The following EFNA5 variants were observed in gnomAD, a reference collection of about 807,000 sequenced individuals.
EFNA5 encodes ephrin-A5.
EFNA5 carries 5 observed loss-of-function variants against 22.9 expected under a neutral mutation model. That is an observed-to-expected ratio of 0.22 (90% CI 0.11 to 0.46). The LOEUF (loss-of-function observed/expected upper bound fraction) is 0.46. Among genes scored for constraint, EFNA5 ranks in the 20% least tolerant of loss-of-function variants. The pLI is 0.99. For missense variants in EFNA5, 237 were observed against 293.3 expected (o/e 0.81, Z 1.40); for synonymous variants, 113 against 112.2 (o/e 1.01, Z -0.04).
chr5:107,591,165 A>C (rs1749316976), intron 1 of EFNA5, among the ~76,000 whole-genome samples: 2 of 152,224 alleles, frequency 1.3e-5, no homozygotes, highest in African/African-American at 4.8e-5. Context: ...CAAAGGTCAC[A>C]AAGAGCCCTC....
intron 2 of EFNA5, among the ~76,000 whole-genome samples, chr5:107,405,708 T>C (rs1049242488): frequency 2.0e-5 from 3 of 152,150 alleles, no homozygotes; most frequent in African/African-American, 2.4e-5. Flanking sequence ...AGTCAGATCA[T>C]GTTACTTCTG....
intron 1 of EFNA5, among the ~76,000 whole-genome samples, chr5:107,487,420 C>T (rs1000481997): frequency 6.6e-6 from 1 of 152,150 alleles, no homozygotes; most frequent in Non-Finnish European, 1.5e-5. Flanking sequence ...ACTTTTGTTT[C>T]CCCCAGAGCA....
intron 1 of EFNA5, among the ~76,000 whole-genome samples, chr5:107,487,224 C>A (rs1746655434): frequency 6.6e-6 from 1 of 152,174 alleles, no homozygotes; most frequent in South Asian, 2.1e-4. Flanking sequence ...TAATGGCCCC[C>A]ACTCCCTCTT....
At chr5:107,650,482 T>C (rs186577669) in intron 1 of EFNA5, among the ~76,000 whole-genome samples, 1 of 152,280 alleles carries the variant, frequency 6.6e-6, no homozygotes, top group Non-Finnish European at 1.5e-5. Flanking sequence ...GTGAGGGATT[T>C]GGGACACAAA....
chr5:107,400,016 A>C (rs1328837239), intron 2 of EFNA5, among the ~76,000 whole-genome samples: 1 of 152,220 alleles, frequency 6.6e-6, no homozygotes, highest in Non-Finnish European at 1.5e-5. Context: ...TGGAACATTT[A>C]AGAGAACTAA....
intron 1 of EFNA5, among the ~76,000 whole-genome samples, chr5:107,668,119 A>G (rs1359644937): frequency 1.3e-5 from 2 of 152,226 alleles, no homozygotes; most frequent in South Asian, 4.1e-4. Context: ...CCTAAGAATA[A>G]TAAGTGTTAG....
At chr5:107,580,436 C>T (rs765762037) in intron 1 of EFNA5, among the ~76,000 whole-genome samples, 46 of 152,210 alleles carry the variant, frequency 3.0e-4, no homozygotes, top group South Asian at 6.2e-4. Context: ...ACAATACTTA[C>T]ACCCTTTCAC....
intron 1 of EFNA5, among the ~76,000 whole-genome samples, chr5:107,510,017 A>G (rs1316142046): frequency 6.6e-6 from 1 of 152,192 alleles, no homozygotes; most frequent in Non-Finnish European, 1.5e-5. Context: ...TGAGGCTGAG[A>G]GCTACTAGGC....
intron 1 of EFNA5, among the ~76,000 whole-genome samples, chr5:107,566,842 T>G (rs1003447102): frequency 1.3e-5 from 2 of 152,256 alleles, no homozygotes; most frequent in Non-Finnish European, 2.9e-5. Flanking sequence ...TCATTCTTAC[T>G]ATACAATAAA....
intron 1 of EFNA5, among the ~76,000 whole-genome samples, chr5:107,528,051 C>A (rs1197060116): frequency 6.6e-6 from 1 of 152,196 alleles, no homozygotes; most frequent in African/African-American, 2.4e-5. Flanking sequence ...AGTGTCAAGT[C>A]ACTGTTAGCA....
At chr5:107,495,787 T>C (rs1194110768) in intron 1 of EFNA5, among the ~76,000 whole-genome samples, 1 of 152,164 alleles carries the variant, frequency 6.6e-6, no homozygotes, top group Admixed American at 6.5e-5. Flanking sequence ...TCTTCTAGTA[T>C]CCATGGCCTA....
At chr5:107,487,815 A>G (rs1746682570) in intron 1 of EFNA5, among the ~76,000 whole-genome samples, 1 of 152,242 alleles carries the variant, frequency 6.6e-6, no homozygotes, top group Non-Finnish European at 1.5e-5. Flanking sequence ...CCCTATAGCA[A>G]CAAGCACAGT....
intron 2 of EFNA5, among the ~76,000 whole-genome samples, chr5:107,403,169 G>A (rs1174539157): frequency 6.6e-6 from 1 of 152,176 alleles, no homozygotes; most frequent in East Asian, 1.9e-4. Flanking sequence ...CATCCACAGG[G>A]AAGCAGAAGG....
At chr5:107,621,097 A>C (rs1226989400) in intron 1 of EFNA5, among the ~76,000 whole-genome samples, 3 of 152,244 alleles carry the variant, frequency 2.0e-5, no homozygotes, top group Non-Finnish European at 4.4e-5. Context: ...GGAAATGTGG[A>C]ACAATCCAAG....
intron 1 of EFNA5, among the ~76,000 whole-genome samples, chr5:107,501,972 C>T (rs1747146079): frequency 6.6e-6 from 1 of 152,118 alleles, no homozygotes; most frequent in Non-Finnish European, 1.5e-5. Context: ...AACTATGAGC[C>T]CTCCTCCCTT....
chr5:107,397,290 C>A (rs1199476165), intron 2 of EFNA5, among the ~76,000 whole-genome samples: 1 of 152,106 alleles, frequency 6.6e-6, no homozygotes, highest in East Asian at 1.9e-4. Context: ...GTGGCTCATG[C>A]CTGTAATCCC....
chr5:107,431,428 G>A (rs1748955146), intron 1 of EFNA5, among the ~76,000 whole-genome samples: 1 of 152,190 alleles, frequency 6.6e-6, no homozygotes, highest in Non-Finnish European at 1.5e-5. Flanking sequence ...GAGCACATAA[G>A]TATGGCTAAT....
intron 2 of EFNA5, among the ~76,000 whole-genome samples, chr5:107,420,742 G>A (rs924174538): frequency 5.3e-5 from 8 of 151,866 alleles, no homozygotes; most frequent in African/African-American, 1.5e-4. Flanking sequence ...AAAATTAATT[G>A]GTTTTTTGCC....
intron 1 of EFNA5, among the ~76,000 whole-genome samples, chr5:107,477,134 C>T (rs1465102895): frequency 6.6e-6 from 1 of 152,008 alleles, no homozygotes; most frequent in African/African-American, 2.4e-5. Context: ...AGAAACATCA[C>T]ACAGTTTCAA....
Sources: allele counts gnomAD v4.1 joint callset (sites outside exome capture counted in the v4.1 genomes callset), GRCh38; gene constraint gnomAD v4.1.1; transcripts MANE v1.5; gene names NCBI Gene and HGNC (gene_info 2026-07-23, HGNC 2026-07-21).